Variants in ATRNL1 observed in about 807,000 individuals in gnomAD.
ATRNL1 encodes the protein attractin-like protein 1.
A neutral mutation model predicts 182.7 loss-of-function variants in ATRNL1; 95 were observed. The observed-to-expected ratio is 0.52, with a 90% CI of 0.44 to 0.62. ATRNL1 has a LOEUF of 0.62. Among genes scored for constraint, ATRNL1 ranks in the 20% least tolerant of loss-of-function variants. The pLI, the probability that ATRNL1 is intolerant of heterozygous loss-of-function variation, is 0.00. For synonymous variants in ATRNL1, 576 were observed against 568.3 expected, an observed-to-expected ratio of 1.01 and a Z score of -0.19; for missense variants, 1,471 against 1,679.5, an observed-to-expected ratio of 0.88 and a Z score of 2.17.
intron 20 of ATRNL1, 42 bp downstream of exon 20, chr10:115,394,794 T>G: frequency 2.1e-6 from 3 of 1,421,232 alleles, no homozygotes; most frequent in South Asian, 1.3e-5. Flanking sequence ...GGATTGAATT[T>G]GTGTTGTTGA....
chr10:115,228,020 A>C (rs1349122997), intron 9 of ATRNL1, among the ~76,000 whole-genome samples: 1 of 152,120 alleles, frequency 6.6e-6, no homozygotes, highest in Non-Finnish European at 1.5e-5. Flanking sequence ...CTATACACTT[A>C]AGATTTTTAT....
chr10:115,477,737 T>A (rs1190480254), intron 24 of ATRNL1, among the ~76,000 whole-genome samples: 2 of 151,684 alleles, frequency 1.3e-5, no homozygotes, highest in African/African-American at 4.8e-5. Flanking sequence ...AGAAGCATAT[T>A]AATATCTAAT....
chr10:115,883,967 G>A (rs897328654), intron 28 of ATRNL1, among the ~76,000 whole-genome samples: 1 of 152,212 alleles, frequency 6.6e-6, no homozygotes, highest in Non-Finnish European at 1.5e-5. Context: ...TCATGGGACA[G>A]AACCTAATGA....
At chr10:115,440,905 C>G (rs1554965590) in intron 21 of ATRNL1, among the ~76,000 whole-genome samples, 1 of 151,886 alleles carries the variant, frequency 6.6e-6, no homozygotes, top group Non-Finnish European at 1.5e-5. Flanking sequence ...AAAACTTCAT[C>G]TCTATTCTCA....
intron 27 of ATRNL1, among the ~76,000 whole-genome samples, chr10:115,809,518 A>G (rs782345863): frequency 6.6e-6 from 1 of 152,022 alleles, no homozygotes; most frequent in African/African-American, 2.4e-5. Context: ...TTTTAGTGAA[A>G]TATTTTAATA....
chr10:115,659,419 A>G (rs994764862), intron 26 of ATRNL1, among the ~76,000 whole-genome samples: 2 of 151,892 alleles, frequency 1.3e-5, no homozygotes, highest in African/African-American at 4.8e-5. Flanking sequence ...TCATTTCTTT[A>G]TTACATAATT....
intron 27 of ATRNL1, among the ~76,000 whole-genome samples, chr10:115,801,118 C>T (rs1420797595): frequency 6.6e-6 from 1 of 152,176 alleles, no homozygotes; most frequent in African/African-American, 2.4e-5. Flanking sequence ...TAGTCTGTTC[C>T]TTTTCTTTGG....
At chr10:115,312,409 G>T (rs1406910003) in intron 17 of ATRNL1, among the ~76,000 whole-genome samples, 7 of 152,132 alleles carry the variant, frequency 4.6e-5, no homozygotes, top group African/African-American at 1.7e-4. Context: ...CAGTTATTCT[G>T]CTTAAGGAGG....
intron 10 of ATRNL1, 65 bp from the exon 11 acceptor site, chr10:115,265,128 T>G: frequency 9.3e-7 from 1 of 1,074,318 alleles, no homozygotes; most frequent in Non-Finnish European, 1.4e-6. Context: ...AATGATGTTT[T>G]CATATTATTT....
At chr10:115,596,001 A>G (rs1463737530) in intron 26 of ATRNL1, among the ~76,000 whole-genome samples, 8 of 152,206 alleles carry the variant, frequency 5.3e-5, no homozygotes, top group African/African-American at 1.2e-4. Context: ...GTGGTTTTGT[A>G]ACTAGAAAAC....
At position 115,523,071 on chromosome 10, in the gene ATRNL1, T is replaced by A. The variant is rs145224558; in HGVS notation, c.3716+3747T>A. ...AGGGTCTCCACCCCTATGGCAGGCTTCTGCCTGGGCACTCAGGCTTTTCAA... is the reference window on the plus strand; with the variant it reads ...AGGGTCTCCACCCCTATGGCAGGCTACTGCCTGGGCACTCAGGCTTTTCAA... On this transcript the variant is annotated intron_variant, in intron 25 of 28. Coordinates refer to ENST00000355044, the MANE Select transcript of ATRNL1 (RefSeq NM_207303.4). Among the ~76,000 whole-genome samples the A allele has an allele frequency of 8.7e-3, 1,326 of 152,278 alleles. 9 individuals are homozygous for A. Among genetic ancestry groups the A allele is most frequent in the Middle Eastern group, 0.017 (5 of 294 alleles).
At chr10:115,372,600 G>T (rs1290868293) in intron 19 of ATRNL1, among the ~76,000 whole-genome samples, 2 of 152,162 alleles carry the variant, frequency 1.3e-5, no homozygotes, top group Non-Finnish European at 2.9e-5. Flanking sequence ...TAAATATCCA[G>T]TGTTCCTAAC....
chr10:115,719,008 A>C (rs1313618584), intron 26 of ATRNL1, among the ~76,000 whole-genome samples: 1 of 152,158 alleles, frequency 6.6e-6, no homozygotes, highest in East Asian at 1.9e-4. Flanking sequence ...TCATTCAATT[A>C]ATTATTACAG....
intron 19 of ATRNL1, among the ~76,000 whole-genome samples, chr10:115,386,649 CT>C (rs137991075): frequency 0.017 from 2,511 of 148,678 alleles, 55 homozygotes; most frequent in African/African-American, 0.048. Flanking sequence ...AAAGGTTAGT[CT>C]TTTTTTTTTA....
At chr10:115,209,954 A>G (rs1312567094) in intron 8 of ATRNL1, among the ~76,000 whole-genome samples, 1 of 152,004 alleles carries the variant, frequency 6.6e-6, no homozygotes, top group Non-Finnish European at 1.5e-5. Context: ...CTGAACTGCT[A>G]GTGACTGAAC....
intron 21 of ATRNL1, among the ~76,000 whole-genome samples, chr10:115,440,814 T>C (rs1390405175): frequency 6.6e-6 from 1 of 151,996 alleles, no homozygotes; most frequent in African/African-American, 2.4e-5. Flanking sequence ...TGTTTGGTCT[T>C]GAGCTTTATC....
chr10:115,447,993 A>G (rs977929511), intron 21 of ATRNL1, among the ~76,000 whole-genome samples: 3 of 149,446 alleles, frequency 2.0e-5, no homozygotes, highest in Admixed American at 6.6e-5. Context: ...AATTGAAACA[A>G]TATCATTTTA....
At chr10:115,861,345 G>T (rs950568936) in intron 28 of ATRNL1, among the ~76,000 whole-genome samples, 1 of 152,122 alleles carries the variant, frequency 6.6e-6, no homozygotes, top group Non-Finnish European at 1.5e-5. Flanking sequence ...GGGCTAAATT[G>T]TGCCTACAAC....
At chr10:115,859,331 G>T (rs1413208300) in intron 28 of ATRNL1, among the ~76,000 whole-genome samples, 2 of 151,894 alleles carry the variant, frequency 1.3e-5, no homozygotes, top group Non-Finnish European at 2.9e-5. Context: ...AGCAGGGAGC[G>T]AGAGATCCAG....
Sources: gnomAD v4.1 joint callset for allele counts (sites outside exome capture counted in the v4.1 genomes callset) on GRCh38, gnomAD v4.1.1 for gene constraint, MANE v1.5 for transcripts, NCBI Gene and HGNC (gene_info 2026-07-23, HGNC 2026-07-21) for gene names.